Variants in SPMIP2 observed in about 807,000 individuals in gnomAD.
SPMIP2 encodes the protein sperm microtubule inner protein 2, also known as protein SPMIP2.
At chr4:158,907,920 A>ACTT in the SPMIP2 span, 1 of 152,194 alleles carries the variant, frequency 6.6e-6, no homozygotes, top group East Asian at 1.9e-4. Flanking sequence ...AATTGATAGG[A>ACTT]CTTCGTTTTT....
the SPMIP2 span, among the ~76,000 whole-genome samples, chr4:158,969,400 T>A: frequency 2.6e-5 from 4 of 152,140 alleles, no homozygotes; most frequent in African/African-American, 7.2e-5. Flanking sequence ...CATTTTTTTT[T>A]AAAGAATGTG....
chr4:159,062,859 T>C, the SPMIP2 span, among the ~76,000 whole-genome samples: 1 of 151,140 alleles, frequency 6.6e-6, no homozygotes, highest in South Asian at 2.1e-4. Context: ...TGGCTAATTT[T>C]TTTTTTTTTT....
chr4:158,920,017 A>G, the SPMIP2 span, among the ~76,000 whole-genome samples: 1 of 152,226 alleles, frequency 6.6e-6, no homozygotes, highest in African/African-American at 2.4e-5. Context: ...ATTTAGCACC[A>G]TCCCCTGTTG....
the SPMIP2 span, among the ~76,000 whole-genome samples, chr4:158,979,548 T>G: frequency 1.3e-5 from 2 of 152,198 alleles, no homozygotes; most frequent in South Asian, 4.1e-4. Flanking sequence ...TGGAACTGGT[T>G]AGATAGTGGG....
At chr4:158,956,976 G>C in the SPMIP2 span, among the ~76,000 whole-genome samples, 3 of 151,992 alleles carry the variant, frequency 2.0e-5, no homozygotes, top group Non-Finnish European at 4.4e-5. Flanking sequence ...CTATTGCCCA[G>C]GCTGGAGTAC....
At chr4:159,068,344 G>C in the SPMIP2 span, among the ~76,000 whole-genome samples, 2 of 152,146 alleles carry the variant, frequency 1.3e-5, no homozygotes, top group Non-Finnish European at 2.9e-5. Flanking sequence ...AAAATGATGA[G>C]TTCATGTCCT....
the SPMIP2 span, among the ~76,000 whole-genome samples, chr4:158,916,087 G>C: frequency 2.0e-5 from 3 of 152,190 alleles, no homozygotes; most frequent in Admixed American, 2.0e-4. Context: ...GGGTTCCCAA[G>C]GTCTTTGGAC....
At chr4:159,001,005 T>C in the SPMIP2 span, among the ~76,000 whole-genome samples, 2 of 152,230 alleles carry the variant, frequency 1.3e-5, no homozygotes, top group South Asian at 4.1e-4. Flanking sequence ...TTTTCATTTA[T>C]CTTGGGTAAA....
chr4:159,055,599 AATTGAG>A, the SPMIP2 span, among the ~76,000 whole-genome samples: 3 of 152,080 alleles, frequency 2.0e-5, no homozygotes, highest in African/African-American at 7.2e-5. Flanking sequence ...AGTCCCAGCT[AATTGAG>A]GAGCTGAGGC....
chr4:158,986,966 G>A, the SPMIP2 span, among the ~76,000 whole-genome samples: 1,585 of 141,632 alleles, frequency 0.011, 18 homozygotes, highest in Middle Eastern at 0.049. Context: ...CAAAAAGTGG[G>A]CGAAGGACAT....
At chr4:159,054,418 C>G in the SPMIP2 span, among the ~76,000 whole-genome samples, 1 of 152,132 alleles carries the variant, frequency 6.6e-6, no homozygotes, top group Non-Finnish European at 1.5e-5. Context: ...AGCCCTAACT[C>G]CTAGGATTTC....
the SPMIP2 span, among the ~76,000 whole-genome samples, chr4:158,920,780 A>G: frequency 2.4e-4 from 37 of 152,332 alleles, no homozygotes; most frequent in African/African-American, 8.2e-4. Flanking sequence ...TATCAGTAGC[A>G]GTAGTTCTGC....
At chr4:159,055,286 T>C in the SPMIP2 span, among the ~76,000 whole-genome samples, 1 of 152,238 alleles carries the variant, frequency 6.6e-6, no homozygotes, top group Non-Finnish European at 1.5e-5. Flanking sequence ...ACCACCTGAC[T>C]CTTTTCTTTT....
chr4:159,017,987 C>T, the SPMIP2 span, among the ~76,000 whole-genome samples: 15 of 152,300 alleles, frequency 9.8e-5, no homozygotes, highest in South Asian at 2.7e-3. Context: ...ACACAGTCAG[C>T]GGGCTTTAAA....
the SPMIP2 span, among the ~76,000 whole-genome samples, chr4:158,996,645 G>C: frequency 6.6e-6 from 1 of 152,124 alleles, no homozygotes; most frequent in Non-Finnish European, 1.5e-5. Flanking sequence ...TGATGTCTTC[G>C]GAATCACAGG....
At chr4:158,977,612 T>C in the SPMIP2 span, among the ~76,000 whole-genome samples, 1 of 135,484 alleles carries the variant, frequency 7.4e-6, no homozygotes, top group Non-Finnish European at 1.6e-5. Flanking sequence ...TTTTTTTTTT[T>C]TTTTTTTTTT....
the SPMIP2 span, among the ~76,000 whole-genome samples, chr4:159,008,091 G>A: frequency 6.6e-6 from 1 of 151,954 alleles, no homozygotes; most frequent in African/African-American, 2.4e-5. Context: ...AGTAGATACA[G>A]TACAAAATTT....
the SPMIP2 span, among the ~76,000 whole-genome samples, chr4:158,956,686 A>G: frequency 1.3e-5 from 2 of 152,228 alleles, no homozygotes; most frequent in Admixed American, 1.3e-4. Context: ...AAATTAAGAT[A>G]TTGTTAAATC....
At chr4:158,979,546 G>T in the SPMIP2 span, among the ~76,000 whole-genome samples, 1 of 152,198 alleles carries the variant, frequency 6.6e-6, no homozygotes, top group African/African-American at 2.4e-5. Context: ...ACTGGAACTG[G>T]TTAGATAGTG....
Sources: allele counts gnomAD v4.1 joint callset (sites outside exome capture counted in the v4.1 genomes callset), GRCh38; gene constraint gnomAD v4.1.1; transcripts MANE v1.5; gene names NCBI Gene and HGNC (gene_info 2026-07-23, HGNC 2026-07-21).